Variants in WDR35 observed in about 807,000 individuals in gnomAD.
WDR35 encodes WD repeat-containing protein 35.
WDR35 carries 118 observed loss-of-function variants against 158.3 expected under a neutral mutation model. The ratio of observed to expected loss-of-function variants is 0.75; its 90% CI spans 0.64 to 0.87. The LOEUF is 0.87. WDR35 is among the 40% of genes least tolerant of loss of function. The pLI is 0.00. For synonymous variants in WDR35, 448 were observed against 476.1 expected (o/e 0.94, Z 0.77); for missense variants, 1,263 against 1,405.8 (o/e 0.90, Z 1.62).
chr2:19,962,737 T>A (rs1016011832), intron 10 of WDR35, among the ~76,000 whole-genome samples: 1 of 151,692 alleles, frequency 6.6e-6, no homozygotes, highest in African/African-American at 2.4e-5. Flanking sequence ...TAAAAAAAAA[T>A]AAAAAGAACT....
At chr2:19,982,409 T>C in intron 3 of WDR35, 54 bp downstream of exon 3, 2 of 1,542,628 alleles carry the variant, frequency 1.3e-6, no homozygotes, top group Admixed American at 3.4e-5. Flanking sequence ...GTAGAAACTT[T>C]CTAAATGCCT....
chr2:19,972,238 A>C (rs1265634634), intron 8 of WDR35, among the ~76,000 whole-genome samples: 1 of 152,144 alleles, frequency 6.6e-6, no homozygotes, highest in Admixed American at 6.5e-5. Flanking sequence ...ATATTCACTC[A>C]CTCAGAAAAT....
At chr2:19,923,292 T>A (rs959542268) in intron 25 of WDR35, among the ~76,000 whole-genome samples, 1 of 152,026 alleles carries the variant, frequency 6.6e-6, no homozygotes, top group Non-Finnish European at 1.5e-5. Context: ...TGAATCCAGA[T>A]CAAAGGGTCG....
intron 4 of WDR35, among the ~76,000 whole-genome samples, chr2:19,980,214 AT>A (rs1672339898): frequency 6.6e-6 from 1 of 152,180 alleles, no homozygotes; most frequent in Admixed American, 6.5e-5. Flanking sequence ...ACAAATATTT[AT>A]TGAACATGTA....
intron 25 of WDR35, among the ~76,000 whole-genome samples, chr2:19,919,394 A>AG (rs1266278774): frequency 2.4e-5 from 3 of 125,996 alleles, no homozygotes; most frequent in Non-Finnish European, 5.2e-5. Flanking sequence ...AAAAAAAAAA[A>AG]AAAAGAAAAG....
chr2:19,964,422 C>A (rs1417866005), intron 10 of WDR35, among the ~76,000 whole-genome samples: 3 of 122,170 alleles, frequency 2.5e-5, no homozygotes, highest in Non-Finnish European at 3.2e-5. Flanking sequence ...CTTACTCTGT[C>A]TCCCAGGCTG....
chr2:19,922,137 C>A (rs1670186708), intron 25 of WDR35, among the ~76,000 whole-genome samples: 1 of 152,168 alleles, frequency 6.6e-6, no homozygotes, highest in African/African-American at 2.4e-5. Flanking sequence ...TAAATGAGTT[C>A]AACCATTGTG....
intron 12 of WDR35, among the ~76,000 whole-genome samples, chr2:19,952,258 C>A (rs557142778): frequency 1.3e-5 from 2 of 152,238 alleles, no homozygotes; most frequent in Non-Finnish European, 1.5e-5. Flanking sequence ...TGACCTTTGG[C>A]AAATACTTTA....
intron 25 of WDR35, among the ~76,000 whole-genome samples, chr2:19,922,505 T>C (rs1410080015): frequency 7.6e-6 from 1 of 131,086 alleles, no homozygotes; most frequent in Non-Finnish European, 1.5e-5. Flanking sequence ...CATTCATAAG[T>C]GGGAGTCGAA....
intron 11 of WDR35, among the ~76,000 whole-genome samples, chr2:19,957,989 G>C (rs1042743832): frequency 5.9e-5 from 9 of 152,182 alleles, no homozygotes; most frequent in Non-Finnish European, 1.0e-4. Context: ...AATAAAACCT[G>C]CTTGTAATAT....
Position 19,989,255 on chromosome 2 carries a change from G to A in WDR35, c.52C>T (p.Gln18Ter). 6.2e-7 allele frequency: 1 copy of A among 1,614,176 alleles called. No individual in the cohort carries two copies. The highest frequency in any genetic ancestry group is 2.2e-5 in the East Asian group (1 of 44,884). The change falls in exon 2 of 27, where the codon CAG becomes TAG. Residue 18 changes from glutamine (Q) to a stop codon, truncating the protein, a stop_gained. Transcript: ENST00000281405. LOFTEE classifies it high-confidence loss of function. ...TGTTCCTTGTTCCAGGATACACACT[G>A]CAGCTTCACGTTATTGGGAATGGAA... ...KISIPNNVKL[Q>*]CVSWNKEQGF...
At chr2:19,976,268 C>T (rs1321666047) in intron 5 of WDR35, among the ~76,000 whole-genome samples, 1 of 152,094 alleles carries the variant, frequency 6.6e-6, no homozygotes, top group Non-Finnish European at 1.5e-5. Flanking sequence ...TTTATTAACC[C>T]CAAGTTCCCC....
intron 10 of WDR35, among the ~76,000 whole-genome samples, chr2:19,962,078 G>A (rs1042160969): frequency 6.6e-6 from 1 of 152,164 alleles, no homozygotes; most frequent in Admixed American, 6.5e-5. Flanking sequence ...TTTAGGGATG[G>A]ACTAAATATC....
At chr2:19,944,623 G>C (rs1242442587) in intron 16 of WDR35, among the ~76,000 whole-genome samples, 2 of 152,240 alleles carry the variant, frequency 1.3e-5, no homozygotes, top group South Asian at 2.1e-4. Flanking sequence ...CATGCTTACA[G>C]GTCAAATGCA....
At chr2:19,968,681 C>T (rs943304256) in intron 9 of WDR35, among the ~76,000 whole-genome samples, 2 of 152,138 alleles carry the variant, frequency 1.3e-5, no homozygotes, top group Non-Finnish European at 2.9e-5. Flanking sequence ...TGCCCTAGTC[C>T]TAGAATCAGC....
intron 7 of WDR35, 117 bp downstream of exon 7, chr2:19,974,351 G>A (rs371343149): frequency 9.4e-5 from 101 of 1,079,502 alleles, no homozygotes; most frequent in African/African-American, 5.8e-4. Flanking sequence ...AGAAGTTGCC[G>A]TGAGCCAAGA....
chr2:19,967,321 ATTTGCT>A (rs935983551), intron 9 of WDR35, among the ~76,000 whole-genome samples: 2 of 152,122 alleles, frequency 1.3e-5, no homozygotes, highest in African/African-American at 4.8e-5. Context: ...TATTTTTTAT[ATTTGCT>A]TTTATCAGAG....
chr2:19,974,326 T>C, intron 7 of WDR35, 142 bp downstream of exon 7: 2 of 807,362 alleles, frequency 2.5e-6, no homozygotes, highest in East Asian at 2.9e-5. Flanking sequence ...GGAAATTCGC[T>C]TGAACCCGGG....
intron 9 of WDR35, among the ~76,000 whole-genome samples, chr2:19,967,351 T>C (rs1032322137): frequency 1.3e-4 from 20 of 152,272 alleles, no homozygotes; most frequent in Middle Eastern, 3.4e-3. Context: ...CATATTCACA[T>C]AATATATGGT....
Sources: allele counts gnomAD v4.1 joint callset (sites outside exome capture counted in the v4.1 genomes callset), GRCh38; gene constraint gnomAD v4.1.1; transcripts MANE v1.5; gene names NCBI Gene and HGNC (gene_info 2026-07-23, HGNC 2026-07-21).